FLI1: variants seen among roughly 807,000 people sequenced by gnomAD.
FLI1 encodes the protein Friend leukemia integration 1 transcription factor.
Under a neutral mutation model 53.1 loss-of-function variants are expected in FLI1, and 13 were observed. That is an observed-to-expected ratio of 0.24 (90% confidence interval 0.16 to 0.39). The LOEUF (loss-of-function observed/expected upper bound fraction) is 0.39, where lower values mean the gene tolerates loss of function less well. Among genes scored for constraint, FLI1 ranks in the 10% least tolerant of loss-of-function variants. The probability of loss-of-function intolerance (pLI) is 1.00; values close to 1 mark genes in which losing one functional copy is unlikely to be tolerated. For missense variants in FLI1, 424 were observed against 600.5 expected (o/e 0.71, Z 3.07); for synonymous variants, 244 against 236.7 (o/e 1.03, Z -0.28).
chr11:128,729,003 G>T (rs1001642596), intron 1 of FLI1, among the ~76,000 whole-genome samples: 1 of 152,220 alleles, frequency 6.6e-6, no homozygotes, highest in Non-Finnish European at 1.5e-5. Context: ...ATATGACACA[G>T]CTACCCGTGT....
chr11:128,765,288 C>T (rs1021348556), intron 2 of FLI1, among the ~76,000 whole-genome samples: 2 of 152,150 alleles, frequency 1.3e-5, no homozygotes, highest in African/African-American at 4.8e-5. Context: ...TTCCTCCAAC[C>T]CTGGCACCTG....
chr11:128,799,042 TATTA>T (rs1565506613), intron 5 of FLI1, among the ~76,000 whole-genome samples: 3 of 139,590 alleles, frequency 2.1e-5, no homozygotes, highest in Admixed American at 7.7e-5. Flanking sequence ...TTATTATTAT[TATTA>T]TTATTATTTT....
At chr11:128,692,000 C>T (rs1937758664), upstream of FLI1, 1 of 151,938 alleles carries the variant, frequency 6.6e-6, no homozygotes, top group Non-Finnish European at 1.5e-5. Context: ...GGAGTCCTTT[C>T]TGGCTGAATG....
chr11:128,812,060 T>C lies in FLI1; in HGVS notation c.*1072T>C, dbSNP rs1310280392. The C allele has an allele frequency of 1.5e-5, 3 of 206,454 alleles. No individual in the cohort carries two copies. The East Asian group carries it at 2.2e-4, about 15-fold the overall frequency. The allele number at this position is 206,454 out of a possible 1,614,324, so 12.8% of individuals were successfully genotyped here. ...TTAAAAAGCATAATATGCCTATAGC[T>C]GAAAAGGAAACAGGGCTGTTTAAGT... On this transcript the variant is annotated 3_prime_UTR_variant, in exon 9 of 9. Coordinates refer to ENST00000527786, the MANE Select transcript of FLI1 (RefSeq NM_002017.5).
intron 5 of FLI1, among the ~76,000 whole-genome samples, chr11:128,787,312 A>G (rs1942119458): frequency 6.6e-6 from 1 of 152,182 alleles, no homozygotes; most frequent in Admixed American, 6.5e-5. Context: ...CCTTCTATAG[A>G]TAATGAAAAC....
chr11:128,734,297 C>T (rs556963371), intron 1 of FLI1, among the ~76,000 whole-genome samples: 3 of 152,322 alleles, frequency 2.0e-5, no homozygotes, highest in Admixed American at 6.5e-5. Context: ...GTGCTCTGAA[C>T]GTGCCTCATC....
intron 1 of FLI1, among the ~76,000 whole-genome samples, chr11:128,751,179 C>T (rs943413043): frequency 2.0e-5 from 3 of 152,196 alleles, no homozygotes; most frequent in Non-Finnish European, 4.4e-5. Context: ...ATTTGCATTT[C>T]AGGCTCTATC....
chr11:128,788,137 C>G (rs930739008), intron 5 of FLI1, among the ~76,000 whole-genome samples: 3 of 151,998 alleles, frequency 2.0e-5, no homozygotes, highest in Non-Finnish European at 4.4e-5. Flanking sequence ...TACCAAGGGT[C>G]GTGAAGGATA....
rs1176267807 is a variant in FLI1 at position 128,812,855 on chromosome 11, T to TA, written c.*1867_*1868insA. 3.5e-5 allele frequency: 4 copies of TA among 114,962 alleles called. No homozygotes were observed. Among genetic ancestry groups the TA allele is most frequent in the African/African-American group, 6.0e-5 (2 of 33,608 alleles). The allele number at this position is 114,962 out of a possible 1,614,324, so 7.1% of individuals were successfully genotyped here. ...TGGCTCATGCAGATTTTTAAGGTCATTTTTCTTCCCAAGGAAGAAACTTGC... is the reference window on the plus strand; with the variant it reads ...TGGCTCATGCAGATTTTTAAGGTCATATTTTCTTCCCAAGGAAGAAACTTGC... On this transcript the variant is annotated 3_prime_UTR_variant, in exon 9 of 9. Coordinates refer to ENST00000527786, the MANE Select transcript of FLI1 (RefSeq NM_002017.5).
chr11:128,705,882 G>C (rs1230191917), intron 1 of FLI1, among the ~76,000 whole-genome samples: 1 of 152,280 alleles, frequency 6.6e-6, no homozygotes, highest in African/African-American at 2.4e-5. Context: ...TCAATGCGTA[G>C]GGCCAAGCGC....
intron 5 of FLI1, among the ~76,000 whole-genome samples, chr11:128,801,224 C>T (rs969101819): frequency 4.6e-5 from 7 of 152,180 alleles, no homozygotes; most frequent in African/African-American, 1.4e-4. Flanking sequence ...CCACTCCATG[C>T]GCTGACGGAG....
intron 5 of FLI1, among the ~76,000 whole-genome samples, chr11:128,794,964 T>C (rs888043397): frequency 1.3e-5 from 2 of 152,128 alleles, no homozygotes; most frequent in African/African-American, 4.8e-5. Flanking sequence ...TGGTCCCAAC[T>C]ATTTGGGAGG....
rs746665962 is a variant in FLI1 at position 128,772,964 on chromosome 11, C to A, written c.568C>A (p.His190Asn). Reference sequence around the variant, plus strand: ...CTACAACACGGAAGTGCTGTTGTCACACCTCAGTTACCTCAGGGAAAGTAA... The same window carrying A: ...CTACAACACGGAAGTGCTGTTGTCAAACCTCAGTTACCTCAGGGAAAGTAA... ...TLYNTEVLLS[H>N]LSYLRESSLL... is the part of the protein sequence containing the mutation. Residue 190 changes from histidine to asparagine, a missense_variant, in exon 4 of 9, where the codon CAC becomes AAC. By Grantham distance (68) the His-to-Asn change is moderately conservative (BLOSUM62 1). This residue lies in a region of FLI1 where 114 missense variants were observed against 117.9 expected (regional missense o/e 0.97). Transcript: ENST00000527786. The A allele has an allele frequency of 6.2e-7, 1 of 1,613,888 alleles. No homozygotes were observed. The highest frequency in any genetic ancestry group is 8.5e-7 in the Non-Finnish European group (1 of 1,179,890).
At chr11:128,759,405 C>T (rs1170135794) in intron 2 of FLI1, among the ~76,000 whole-genome samples, 3 of 152,214 alleles carry the variant, frequency 2.0e-5, no homozygotes, top group Admixed American at 6.5e-5. Context: ...AGCGAGCTGA[C>T]AGTCCTTGCG....
chr11:128,712,080 G>A (rs936883588), intron 1 of FLI1, among the ~76,000 whole-genome samples: 2 of 152,136 alleles, frequency 1.3e-5, no homozygotes, highest in African/African-American at 4.8e-5. Flanking sequence ...GTTGGAGGTG[G>A]GGCCTGGTGG....
chr11:128,708,254 G>A (rs886791602), intron 1 of FLI1, among the ~76,000 whole-genome samples: 4 of 152,198 alleles, frequency 2.6e-5, no homozygotes, highest in African/African-American at 9.7e-5. Context: ...CCATCGACAA[G>A]CAGTCAGTTG....
chr11:128,806,384 G>C (rs1340757923), intron 6 of FLI1: 1 of 152,230 alleles, frequency 6.6e-6, no homozygotes, highest in Non-Finnish European at 1.5e-5. Context: ...GCAGGATTTG[G>C]ACCTGTGGCG....
At chr11:128,778,685 G>T (rs1030896760) in intron 4 of FLI1, among the ~76,000 whole-genome samples, 2 of 152,240 alleles carry the variant, frequency 1.3e-5, no homozygotes, top group African/African-American at 4.8e-5. Context: ...AGGGAGCACT[G>T]CGTCCCCACC....
intron 1 of FLI1, among the ~76,000 whole-genome samples, chr11:128,751,003 A>C (rs992466646): frequency 1.3e-5 from 2 of 152,200 alleles, no homozygotes; most frequent in African/African-American, 2.4e-5. Flanking sequence ...TCACAGGGCT[A>C]TTCAGGCTAT....
Sources: allele counts gnomAD v4.1 joint callset (sites outside exome capture counted in the v4.1 genomes callset), GRCh38; gene constraint gnomAD v4.1.1; regional missense constraint gnomAD v4.1.1; transcripts MANE v1.5; gene names NCBI Gene and HGNC (gene_info 2026-07-23, HGNC 2026-07-21).